The following RGS10 variants were observed in gnomAD, a reference collection of about 807,000 sequenced individuals.
The protein encoded by RGS10 is regulator of G-protein signalling 10.
In RGS10, 11 loss-of-function variants were observed where a neutral mutation model predicts 23.5. That is an observed-to-expected ratio of 0.47 (90% confidence interval 0.29 to 0.77). RGS10 has a LOEUF of 0.77. Ranked by LOEUF, RGS10 falls within the 30% of genes least tolerant of loss-of-function variation. RGS10 has a pLI of 0.08. For synonymous variants in RGS10, 77 were observed against 83.2 expected, an observed-to-expected ratio of 0.92 and a Z score of 0.41; for missense variants, 180 against 226.3, an observed-to-expected ratio of 0.80 and a Z score of 1.31.
At chr10:119,542,041 G>A (rs1844439193) in intron 1 of RGS10, among the ~76,000 whole-genome samples, 1 of 152,234 alleles carries the variant, frequency 6.6e-6, no homozygotes, top group Non-Finnish European at 1.5e-5. Context: ...TCGCTGGCTC[G>A]GACCGCAGAA....
At chr10:119,518,329 C>T (rs539389443) in intron 3 of RGS10, among the ~76,000 whole-genome samples, 2 of 152,294 alleles carry the variant, frequency 1.3e-5, no homozygotes, top group Non-Finnish European at 2.9e-5. Context: ...GAGGGCCCCA[C>T]CTTGGCCCAT....
At chr10:119,514,641 G>C (rs1463488180) in intron 4 of RGS10, among the ~76,000 whole-genome samples, 11 of 136,924 alleles carry the variant, frequency 8.0e-5, no homozygotes, top group Non-Finnish European at 1.5e-5. Context: ...CTGGGAGACA[G>C]AGTAAGACTC....
chr10:119,537,766 A>T (rs527244730), intron 1 of RGS10, among the ~76,000 whole-genome samples: 31 of 152,328 alleles, frequency 2.0e-4, no homozygotes, highest in African/African-American at 6.7e-4. Flanking sequence ...GAGAAGGAAG[A>T]CTAGGAAATA....
chr10:119,515,181 T>C (rs1350885703), intron 4 of RGS10, among the ~76,000 whole-genome samples: 1 of 152,142 alleles, frequency 6.6e-6, no homozygotes, highest in Non-Finnish European at 1.5e-5. Context: ...TATTCTTACC[T>C]TCAGCAATTA....
At chr10:119,528,844 TAATAAATA>T (rs59583887) in intron 1 of RGS10, among the ~76,000 whole-genome samples, 38 of 149,322 alleles carry the variant, frequency 2.5e-4, no homozygotes, top group African/African-American at 7.2e-4. Flanking sequence ...AAAATAATGA[TAATAAATA>T]AATAAATAAA....
intron 3 of RGS10, 144 bp from the exon 4 acceptor site, chr10:119,515,796 C>A: frequency 1.1e-6 from 1 of 935,272 alleles, no homozygotes; most frequent in Non-Finnish European, 1.6e-6. Context: ...TCAGGCCACT[C>A]CAGAGAGAAT....
chr10:119,500,197 T>A lies in RGS10; in HGVS notation c.462A>T (p.Lys154Asn). The change falls in exon 5 of 5, where the codon AAA (lysine) becomes AAT (asparagine). Residue 154 changes from lysine to asparagine, a missense_variant. By Grantham distance (94) the Lys-to-Asn change is moderately conservative. Coordinates refer to ENST00000369103, the MANE Select transcript of RGS10 (RefSeq NM_001005339.2). The stretch of plus-strand genomic sequence containing the variant: ...CTTCCTCTTCCTCGGTTCGCTTGTG[T>A]TTTAAAAACAAGTCAGACTTTAAGA... ...SRFLKSDLFL[K>N]HKRTEEEEED... The A allele has an allele frequency of 6.2e-7, 1 of 1,614,114 alleles. No homozygotes were observed. Among genetic ancestry groups the A allele is most frequent in the South Asian group, 1.1e-5 (1 of 91,054 alleles).
intron 1 of RGS10, among the ~76,000 whole-genome samples, chr10:119,540,545 C>T (rs770817877): frequency 1.3e-5 from 2 of 152,214 alleles, no homozygotes; most frequent in Non-Finnish European, 2.9e-5. Context: ...AGCCACTGAG[C>T]CCGGCCTGAG....
intron 1 of RGS10, among the ~76,000 whole-genome samples, chr10:119,532,603 A>G (rs1197675099): frequency 6.6e-6 from 1 of 152,174 alleles, no homozygotes; most frequent in East Asian, 1.9e-4. Flanking sequence ...GCACTTTGGG[A>G]GGACGAGATG....
chr10:119,541,237 A>G (rs1253241608), intron 1 of RGS10, among the ~76,000 whole-genome samples: 1 of 152,170 alleles, frequency 6.6e-6, no homozygotes, highest in Non-Finnish European at 1.5e-5. Flanking sequence ...GCCTGTGCCA[A>G]CCATAGAGAC....
At chr10:119,519,816 G>A (rs1204619944) in intron 3 of RGS10, among the ~76,000 whole-genome samples, 10 of 151,226 alleles carry the variant, frequency 6.6e-5, no homozygotes, top group African/African-American at 2.4e-5. Context: ...TGTCCCCTCC[G>A]TGAATTCTGG....
At chr10:119,510,399 C>A (rs1844063740) in intron 4 of RGS10, among the ~76,000 whole-genome samples, 1 of 152,188 alleles carries the variant, frequency 6.6e-6, no homozygotes. Flanking sequence ...GCTCCCAGGT[C>A]CTCTCATCCA....
At chr10:119,535,625 C>T (rs760753875) in intron 1 of RGS10, among the ~76,000 whole-genome samples, 4 of 152,212 alleles carry the variant, frequency 2.6e-5, no homozygotes, top group Non-Finnish European at 2.9e-5. Context: ...TCTGTGTAAT[C>T]ATCCTGCATA....
In RGS10 at chr10:119,501,039, G is replaced by A. The variant is rs140477482; in HGVS notation, c.400-780C>T. ...CCAGGCACAGTAGCTTCCTCTGGCC[G>A]CCACTGAACCTCTTTTCTGGGCCAC... On this transcript the variant is annotated intron_variant, in intron 4 of 4. Transcript: ENST00000369103. Among the ~76,000 whole-genome samples the A allele has an allele frequency of 1.9e-3, 284 of 152,232 alleles. No individual in the cohort carries two copies. The Middle Eastern group carries it at 0.02, about 11-fold the overall frequency.
Position 119,524,654 on chromosome 10 carries a change from C to T in RGS10, c.255+1378G>A, listed in dbSNP as rs3009919. 0.086 allele frequency among the ~76,000 whole-genome samples: 13,078 copies of T among 152,170 alleles called. 589 individuals are homozygous for T. The highest frequency in any genetic ancestry group is 0.15 in the South Asian group (716 of 4,816). Reference sequence around the variant, plus strand: ...TAGCATCCCAAAGCATCCCCCACCACCTGCTTCTCACTTTCCCCTGGGGCC... The same window carrying T: ...TAGCATCCCAAAGCATCCCCCACCATCTGCTTCTCACTTTCCCCTGGGGCC... On this transcript the variant is annotated intron_variant, in intron 3 of 4. Transcript: ENST00000369103. This position sits in a 1 kb window ranked among gnomAD's most constrained non-coding sequence, Gnocchi z 5.2.
intron 4 of RGS10, among the ~76,000 whole-genome samples, chr10:119,505,265 C>A (rs1428931988): frequency 4.7e-5 from 7 of 148,200 alleles, no homozygotes; most frequent in Non-Finnish European, 1.0e-4. Flanking sequence ...ATCCGTCCAA[C>A]AAACGGCTGC....
intron 1 of RGS10, among the ~76,000 whole-genome samples, chr10:119,533,306 T>G (rs1844351178): frequency 6.6e-6 from 1 of 151,656 alleles, no homozygotes; most frequent in Non-Finnish European, 1.5e-5. Context: ...CACTCCAGCC[T>G]GGGTGACAGA....
In RGS10 at chr10:119,538,774, G is replaced by C. The variant is rs1844411835; in HGVS notation, c.49+3816C>G. ...AAGGGGCCACTGCTGCTGCCTGCTG[G>C]GGCCCCCTCCGCTCCTGCTGCCACC... is the stretch of plus-strand genomic sequence containing the variant. On this transcript the variant is annotated intron_variant, in intron 1 of 4. Coordinates refer to ENST00000369103, the MANE Select transcript of RGS10 (RefSeq NM_001005339.2). The surrounding 1 kb of genome is among the most constrained non-coding windows in gnomAD (Gnocchi z 4.5). Among the ~76,000 whole-genome samples the C allele has an allele frequency of 1.3e-5, 2 of 152,090 alleles. No individual in the cohort carries two copies. Among genetic ancestry groups the C allele is most frequent in the South Asian group, 4.1e-4 (2 of 4,824 alleles).
At chr10:119,513,780 C>A (rs1238669617) in intron 4 of RGS10, among the ~76,000 whole-genome samples, 2 of 152,170 alleles carry the variant, frequency 1.3e-5, no homozygotes, top group Non-Finnish European at 2.9e-5. Context: ...GCTCCAGGGG[C>A]CTCACCGAGC....
Sources: gnomAD v4.1 joint callset for allele counts (sites outside exome capture counted in the v4.1 genomes callset) on GRCh38, gnomAD v4.1.1 for gene constraint, Gnocchi (gnomAD v3.1) non-coding constraint, MANE v1.5 for transcripts, NCBI Gene and HGNC (gene_info 2026-07-23, HGNC 2026-07-21) for gene names.